NCKAP5: variants seen among roughly 807,000 people sequenced by gnomAD.
The protein encoded by NCKAP5 is NCK associated protein 5.
NCKAP5 carries 92 observed loss-of-function variants against 167.0 expected under a neutral mutation model. The ratio of observed to expected loss-of-function variants is 0.55; its 90% confidence interval spans 0.47 to 0.66. The LOEUF is 0.66. NCKAP5 is among the 30% of genes least tolerant of loss of function. The pLI, the probability that NCKAP5 is intolerant of heterozygous loss-of-function variation, is 0.00. For synonymous variants in NCKAP5, 891 were observed against 877.4 expected, an observed-to-expected ratio of 1.02 and a Z score of -0.27; for missense variants, 2,378 against 2,315.0, an observed-to-expected ratio of 1.03 and a Z score of -0.56.
intron 8 of NCKAP5, among the ~76,000 whole-genome samples, chr2:132,941,106 A>G (rs1394751955): frequency 6.6e-6 from 1 of 152,234 alleles, no homozygotes; most frequent in East Asian, 1.9e-4. Context: ...CAACTGTCAG[A>G]AACAGAGCAA....
intron 19 of NCKAP5, among the ~76,000 whole-genome samples, chr2:132,675,478 C>A (rs946896917): frequency 6.6e-6 from 1 of 152,160 alleles, no homozygotes; most frequent in African/African-American, 2.4e-5. Context: ...AGACCAACAA[C>A]GTCAACAACA....
At chr2:133,031,121 A>T (rs2078865523) in intron 6 of NCKAP5, among the ~76,000 whole-genome samples, 1 of 152,052 alleles carries the variant, frequency 6.6e-6, no homozygotes, top group African/African-American at 2.4e-5. Flanking sequence ...AAAAAAAAAC[A>T]CCTTCATAAG....
At chr2:133,020,299 G>T (rs1228304694) in intron 6 of NCKAP5, among the ~76,000 whole-genome samples, 2 of 152,190 alleles carry the variant, frequency 1.3e-5, no homozygotes, top group Non-Finnish European at 2.9e-5. Context: ...AACAATGAGG[G>T]TTTACCTAAC....
chr2:133,602,045 G>A, the NCKAP5 span, among the ~76,000 whole-genome samples: 2 of 152,174 alleles, frequency 1.3e-5, no homozygotes, highest in East Asian at 1.9e-4. Context: ...TGGAGACCAC[G>A]TTTTGAGGGA....
At chr2:133,591,336 G>T in the NCKAP5 span, among the ~76,000 whole-genome samples, 6 of 152,232 alleles carry the variant, frequency 3.9e-5, no homozygotes, top group African/African-American at 1.4e-4. Flanking sequence ...GCCAACTGAA[G>T]TCACGTGCCT....
intron 6 of NCKAP5, among the ~76,000 whole-genome samples, chr2:133,121,775 A>G (rs996306902): frequency 1.3e-5 from 2 of 152,178 alleles, no homozygotes; most frequent in Non-Finnish European, 2.9e-5. Flanking sequence ...TAAGACCTGG[A>G]CATGAATGTT....
At chr2:133,482,708 G>A (rs182004007) in intron 3 of NCKAP5, among the ~76,000 whole-genome samples, 1 of 152,214 alleles carries the variant, frequency 6.6e-6, no homozygotes, top group East Asian at 1.9e-4. Flanking sequence ...AGATTTTTGA[G>A]AAATCTCCAT....
At chr2:132,909,676 G>T (rs1293598553) in intron 8 of NCKAP5, among the ~76,000 whole-genome samples, 1 of 152,058 alleles carries the variant, frequency 6.6e-6, no homozygotes, top group Non-Finnish European at 1.5e-5. Flanking sequence ...TCATCCATTG[G>T]GATAATTACT....
chr2:133,226,805 A>G (rs530287568), intron 4 of NCKAP5, among the ~76,000 whole-genome samples: 1 of 152,278 alleles, frequency 6.6e-6, no homozygotes, highest in East Asian at 1.9e-4. Context: ...AGCCTCCAGA[A>G]CTTCAAGACG....
chr2:132,976,055 T>G (rs537407529), intron 7 of NCKAP5, among the ~76,000 whole-genome samples: 1 of 152,284 alleles, frequency 6.6e-6, no homozygotes, highest in African/African-American at 2.4e-5. Flanking sequence ...TAAGCCAATA[T>G]AAAATTTTCT....
At position 132,783,658 on chromosome 2, in the gene NCKAP5, G is replaced by A; in HGVS notation, c.3153C>T (p.Arg1051=). ...CCCTTTGTGGGGTCCCAAGTGTTTGGCGAGGAGAGGTTTTGGGGACACCTC... is the reference window on the plus strand; with the variant it reads ...CCCTTTGTGGGGTCCCAAGTGTTTGACGAGGAGAGGTTTTGGGGACACCTC... ...PKRGVPKTSP[R]QTLGTPQRDI... The change falls in exon 14 of 20, where the codon CGC becomes CGT. Residue 1051 remains arginine (R), a synonymous_variant. Coordinates refer to ENST00000409261, the MANE Select transcript of NCKAP5 (RefSeq NM_207363.3). 1.9e-6 allele frequency: 3 copies of A among 1,613,910 alleles called. No individual in the cohort carries two copies. Among genetic ancestry groups the A allele is most frequent in the Non-Finnish European group, 8.5e-7 (1 of 1,179,872 alleles).
intron 8 of NCKAP5, among the ~76,000 whole-genome samples, chr2:132,934,544 C>CT (rs1172853328): frequency 6.6e-6 from 1 of 151,996 alleles, no homozygotes; most frequent in African/African-American, 2.4e-5. Context: ...TGCACTCCAG[C>CT]TTGGGTGAGA....
intron 19 of NCKAP5, among the ~76,000 whole-genome samples, chr2:132,723,953 C>T (rs1176347005): frequency 6.6e-6 from 1 of 152,228 alleles, no homozygotes; most frequent in African/African-American, 2.4e-5. Flanking sequence ...GAAAGGCATA[C>T]AGGGTTCTAG....
At chr2:133,073,231 T>C (rs930877815) in intron 6 of NCKAP5, among the ~76,000 whole-genome samples, 12 of 152,142 alleles carry the variant, frequency 7.9e-5, no homozygotes, top group African/African-American at 2.7e-4. Context: ...GAAATCTTTT[T>C]TTTTTCTTTC....
chr2:133,609,859 A>C, the NCKAP5 span, among the ~76,000 whole-genome samples: 1 of 152,196 alleles, frequency 6.6e-6, no homozygotes, highest in Non-Finnish European at 1.5e-5. Context: ...GTCAAGAGTG[A>C]CTCATAATAA....
At chr2:133,275,209 G>A (rs1228288890) in intron 4 of NCKAP5, among the ~76,000 whole-genome samples, 2 of 151,922 alleles carry the variant, frequency 1.3e-5, no homozygotes, top group African/African-American at 4.8e-5. Context: ...CAATGAGGTA[G>A]CATTTCATGC....
intron 3 of NCKAP5, among the ~76,000 whole-genome samples, chr2:133,425,698 A>G (rs377762170): frequency 1.3e-5 from 2 of 152,364 alleles, no homozygotes; most frequent in South Asian, 2.1e-4. Context: ...TGGGAAATAC[A>G]AAAAGAGTCT....
chr2:132,882,012 A>G (rs1386614372), intron 8 of NCKAP5, among the ~76,000 whole-genome samples: 2 of 152,110 alleles, frequency 1.3e-5, no homozygotes, highest in Non-Finnish European at 2.9e-5. Context: ...TGATTTTCCT[A>G]TCTGTTAGTA....
At chr2:132,825,325 A>G (rs1179431867) in intron 11 of NCKAP5, among the ~76,000 whole-genome samples, 1 of 152,190 alleles carries the variant, frequency 6.6e-6, no homozygotes, top group Non-Finnish European at 1.5e-5. Context: ...TTAATGCATG[A>G]TAATGAGGGA....
Sources: allele counts gnomAD v4.1 joint callset (sites outside exome capture counted in the v4.1 genomes callset), GRCh38; gene constraint gnomAD v4.1.1; transcripts MANE v1.5; gene names NCBI Gene and HGNC (gene_info 2026-07-23, HGNC 2026-07-21).